SOS1: variants seen among roughly 807,000 people sequenced by gnomAD.
The protein encoded by SOS1 is son of sevenless homolog 1.
SOS1 carries 25 observed loss-of-function variants against 157.6 expected under a neutral mutation model. The ratio of observed to expected loss-of-function variants is 0.16; its 90% CI spans 0.12 to 0.22. The LOEUF (loss-of-function observed/expected upper bound fraction) is 0.22. Ranked by LOEUF, SOS1 falls within the 10% of genes least tolerant of loss-of-function variation. The pLI is 1.00. For missense variants in SOS1, 1,237 were observed against 1,599.1 expected, an observed-to-expected ratio of 0.77 and a Z score of 3.86; for synonymous variants, 528 against 534.0, an observed-to-expected ratio of 0.99 and a Z score of 0.16.
rs1668588116 is a variant in SOS1 at position 38,987,365 on chromosome 2, T to TA, written c.3510+107dup. 9 of 711,276 alleles carry TA rather than the reference T, an allele frequency of 1.3e-5. No individual in the cohort carries two copies. In the South Asian group the frequency reaches 1.3e-4, roughly 11 times the overall value. 44.1% of individuals were successfully genotyped at this position (711,276 alleles called of 1,614,324 possible). A position where few individuals can be genotyped will look rare whatever the true frequency, so the allele number is the denominator to read the frequency against. On this transcript the variant is annotated intron_variant, in intron 22 of 22. Transcript: ENST00000402219. Reference sequence around the variant, plus strand: ...ATCCTTGTTTAAACTATTAAGCCTGTATACTCTGAAATGTTAACTTATCCT... The same window carrying TA: ...ATCCTTGTTTAAACTATTAAGCCTGTAATACTCTGAAATGTTAACTTATCCT...
At chr2:38,987,049 A>G (rs1668579926) in intron 22 of SOS1, among the ~76,000 whole-genome samples, 1 of 152,170 alleles carries the variant, frequency 6.6e-6, no homozygotes, top group Non-Finnish European at 1.5e-5. Flanking sequence ...AATTTTCATG[A>G]AAACTCCATT....
chr2:39,070,245 T>C (rs1236537191), intron 1 of SOS1, among the ~76,000 whole-genome samples: 2 of 152,246 alleles, frequency 1.3e-5, no homozygotes, highest in East Asian at 3.8e-4. Flanking sequence ...TCTTTTCAGA[T>C]AACCTTTATC....
At chr2:39,095,885 C>A (rs1045166439) in intron 1 of SOS1, among the ~76,000 whole-genome samples, 1 of 152,168 alleles carries the variant, frequency 6.6e-6, no homozygotes, top group African/African-American at 2.4e-5. Context: ...GAAATAATTT[C>A]ACAAGTCAGT....
chr2:39,020,582 AGAG>A (rs953213538), intron 10 of SOS1, among the ~76,000 whole-genome samples: 14 of 151,878 alleles, frequency 9.2e-5, no homozygotes, highest in East Asian at 3.9e-4. Flanking sequence ...AAGAAAGATG[AGAG>A]GAGAAGAGCA....
At chr2:39,110,040 G>C (rs112153553) in intron 1 of SOS1, among the ~76,000 whole-genome samples, 1 of 11,774 alleles carries the variant, frequency 8.5e-5, no homozygotes, top group Admixed American at 9.8e-4. Context: ...GTGTGTGTGC[G>C]TGTGTGTGTG....
intron 1 of SOS1, among the ~76,000 whole-genome samples, chr2:39,082,880 A>C (rs1310624284): frequency 6.6e-6 from 1 of 152,178 alleles, no homozygotes; most frequent in South Asian, 2.1e-4. Flanking sequence ...CAGTATGTCC[A>C]AACAACAAAG....
chr2:39,011,348 A>C (rs1160552984), intron 14 of SOS1, among the ~76,000 whole-genome samples: 2 of 152,198 alleles, frequency 1.3e-5, no homozygotes, highest in Non-Finnish European at 2.9e-5. Flanking sequence ...TAGGGTGACA[A>C]AGTAGACATT....
chr2:39,026,193 A>G (rs935924318), intron 8 of SOS1, among the ~76,000 whole-genome samples: 2 of 151,944 alleles, frequency 1.3e-5, no homozygotes, highest in African/African-American at 4.8e-5. Context: ...CGTCTCTACT[A>G]AAAATACAAA....
chr2:39,099,012 G>A (rs1672872038), intron 1 of SOS1, among the ~76,000 whole-genome samples: 2 of 152,186 alleles, frequency 1.3e-5, no homozygotes, highest in East Asian at 3.8e-4. Flanking sequence ...ATGAAAAAAT[G>A]TTCATCATCA....
chr2:39,091,931 C>G (rs543264322), intron 1 of SOS1, among the ~76,000 whole-genome samples: 1 of 152,212 alleles, frequency 6.6e-6, no homozygotes, highest in Admixed American at 6.5e-5. Flanking sequence ...TCATTTCTCA[C>G]CACCTACACT....
At chr2:39,117,134 T>C (rs1446307387) in intron 1 of SOS1, among the ~76,000 whole-genome samples, 1 of 151,926 alleles carries the variant, frequency 6.6e-6, no homozygotes, top group Non-Finnish European at 1.5e-5. Context: ...TTTCAAGCTA[T>C]TCTCCTGCCT....
intron 1 of SOS1, among the ~76,000 whole-genome samples, chr2:39,110,204 A>G (rs1350815483): frequency 1.3e-5 from 2 of 152,128 alleles, no homozygotes; most frequent in African/African-American, 4.8e-5. Flanking sequence ...ATTTGCATAC[A>G]ACCTGTGCAC....
chr2:39,057,367 T>G (rs903290159), intron 3 of SOS1, among the ~76,000 whole-genome samples: 2 of 152,028 alleles, frequency 1.3e-5, no homozygotes, highest in Non-Finnish European at 2.9e-5. Flanking sequence ...TCTACGAAAA[T>G]AAAATTCATG....
intron 1 of SOS1, among the ~76,000 whole-genome samples, chr2:39,118,656 C>T (rs1316217578): frequency 1.3e-5 from 2 of 152,194 alleles, no homozygotes; most frequent in Non-Finnish European, 2.9e-5. Flanking sequence ...TCAACTCCAG[C>T]AGTTTAGTGC....
chr2:39,101,972 C>T (rs1241300467), intron 1 of SOS1, among the ~76,000 whole-genome samples: 2 of 151,766 alleles, frequency 1.3e-5, no homozygotes, highest in South Asian at 4.2e-4. Context: ...CTTTGGGAGG[C>T]TGAGGTGGGC....
intron 1 of SOS1, among the ~76,000 whole-genome samples, chr2:39,115,611 A>C (rs1673621531): frequency 6.6e-6 from 1 of 151,432 alleles, no homozygotes; most frequent in South Asian, 2.1e-4. Flanking sequence ...TAATTTTTTA[A>C]GTTTTTTGTA....
intron 1 of SOS1, among the ~76,000 whole-genome samples, chr2:39,089,164 T>C (rs1416210464): frequency 6.6e-6 from 1 of 152,080 alleles, no homozygotes; most frequent in Non-Finnish European, 1.5e-5. Context: ...ACTGATTCAA[T>C]ATTAGGCAGC....
chr2:38,989,083 AAT>A (rs1668639764), intron 21 of SOS1, among the ~76,000 whole-genome samples, 185 bp downstream of exon 21: 1 of 152,258 alleles, frequency 6.6e-6, no homozygotes. Context: ...AAGCATGAGA[AAT>A]ATATAAATTT....
intron 17 of SOS1, 35 bp from the exon 18 acceptor site, chr2:38,997,460 G>C (rs774264320): frequency 1.4e-6 from 2 of 1,447,888 alleles, no homozygotes; most frequent in Admixed American, 2.0e-5. Context: ...CAAGGATAAA[G>C]AAGGAAAATG....
Sources: allele counts gnomAD v4.1 joint callset (sites outside exome capture counted in the v4.1 genomes callset), GRCh38; gene constraint gnomAD v4.1.1; transcripts MANE v1.5; gene names NCBI Gene and HGNC (gene_info 2026-07-23, HGNC 2026-07-21).